Variants in ATP6V0A1 observed in about 807,000 individuals in gnomAD.
ATP6V0A1 encodes ATPase H+ transporting V0 subunit a1.
A neutral mutation model predicts 105.4 loss-of-function variants in ATP6V0A1; 43 were observed. The observed-to-expected ratio is 0.41, with a 90% confidence interval of 0.32 to 0.53. ATP6V0A1 has a LOEUF of 0.53. ATP6V0A1 is among the 20% of genes least tolerant of loss of function. The probability of loss-of-function intolerance (pLI) is 0.30; values close to 1 mark genes in which losing one functional copy is unlikely to be tolerated. For missense variants in ATP6V0A1, 676 were observed against 1,051.1 expected, an observed-to-expected ratio of 0.64 and a Z score of 4.93; for synonymous variants, 362 against 372.8, an observed-to-expected ratio of 0.97 and a Z score of 0.33.
rs763530702 is a variant in ATP6V0A1 at position 42,487,329 on chromosome 17, G to A, written c.985G>A (p.Asp329Asn). Residue 329 changes from aspartate (D) to asparagine (N), a missense_variant, in exon 10 of 22, where the codon GAC becomes AAC. By Grantham distance (23) the Asp-to-Asn change is conservative. Around this residue, in one of 3 missense-constraint regions of ATP6V0A1, gnomAD observed 435 missense variants for 642.2 expected, o/e 0.68. Coordinates refer to ENST00000343619, the MANE Select transcript of ATP6V0A1 (RefSeq NM_001130021.3). ...TGCAGAGGTCTGGTGCCCTGTCACC[G>A]ACCTTGACTCCATCCAGTTTGCACT... Reference protein sequence around the residue: ...LIAEVWCPVTDLDSIQFALRR... With the variant: ...LIAEVWCPVTNLDSIQFALRR... 18 of 1,613,976 alleles carry A rather than the reference G, an allele frequency of 1.1e-5. No homozygotes were observed. The highest frequency in any genetic ancestry group is 5.3e-5 in the African/African-American group (4 of 74,916).
At position 42,521,135 on chromosome 17, in the gene ATP6V0A1, C is replaced by A. The variant is rs755373315; in HGVS notation, c.*15C>A. 3 of 1,590,030 alleles carry A rather than the reference C, an allele frequency of 1.9e-6. No homozygotes were observed. The highest frequency in any genetic ancestry group is 2.6e-6 in the Non-Finnish European group (3 of 1,166,060). On this transcript the variant is annotated 3_prime_UTR_variant, in exon 22 of 22. Transcript: ENST00000343619. This position sits in a 1 kb window ranked among gnomAD's most constrained non-coding sequence, Gnocchi z 4.8. ...TTGAAGAGTGAGTCCCTGTGAGGGC[C>A]GTGTGCCCCATGCTACCCTCCCCGC...
chr17:42,504,334 T>A (rs1351847139), intron 17 of ATP6V0A1, among the ~76,000 whole-genome samples: 1 of 152,166 alleles, frequency 6.6e-6, no homozygotes, highest in Non-Finnish European at 1.5e-5. Flanking sequence ...TTCCTGTAAC[T>A]CTCATTCCTG....
intron 21 of ATP6V0A1, chr17:42,518,838 A>C (rs1388500320): frequency 1.3e-5 from 2 of 152,294 alleles, no homozygotes; most frequent in Admixed American, 6.5e-5. Flanking sequence ...CCCAAAAAGA[A>C]GGAAGAACCT....
rs749735808 is a variant in ATP6V0A1 at position 42,521,030 on chromosome 17, T to G, written c.2424T>G (p.Val808=). ...AFLHALRLHW[V]EFQNKFYSGT... is the part of the protein sequence containing the mutation. Reference sequence around the variant, plus strand: ...CTTTCTTCTTCTCTTTCTCCAGGGTTGAGTTCCAGAATAAATTCTACAGCG... The same window carrying G: ...CTTTCTTCTTCTCTTTCTCCAGGGTGGAGTTCCAGAATAAATTCTACAGCG... Residue 808 remains valine (V), a synonymous_variant, in exon 22 of 22, where the codon GTT becomes GTG. Coordinates refer to ENST00000343619, the MANE Select transcript of ATP6V0A1 (RefSeq NM_001130021.3). This position sits in a 1 kb window ranked among gnomAD's most constrained non-coding sequence, Gnocchi z 4.8. The G allele has an allele frequency of 1.0e-5, 16 of 1,598,754 alleles. No homozygotes were observed. Among genetic ancestry groups the G allele is most frequent in the Non-Finnish European group, 1.3e-5 (15 of 1,172,882 alleles).
chr17:42,477,488 C>T, intron 5 of ATP6V0A1, 172 bp from the exon 6 acceptor site: 9 of 559,394 alleles, frequency 1.6e-5, no homozygotes, highest in South Asian at 8.5e-5. Flanking sequence ...TGTTTTCATC[C>T]CCTATTCTTC....
At chr17:42,467,886 A>G in intron 3 of ATP6V0A1, 124 bp from the exon 4 acceptor site, 2 of 288,538 alleles carry the variant, frequency 6.9e-6, no homozygotes, top group Non-Finnish European at 1.3e-5. Context: ...ATATATATAT[A>G]TAAAGTATCT....
intron 16 of ATP6V0A1, 91 bp downstream of exon 16, chr17:42,501,014 C>T: frequency 7.3e-7 from 1 of 1,369,568 alleles, no homozygotes; most frequent in South Asian, 1.2e-5. Flanking sequence ...TATAACTGCC[C>T]TTCTATGGGA....
chr17:42,513,776 C>A, intron 19 of ATP6V0A1, 85 bp from the exon 20 acceptor site: 1 of 1,336,810 alleles, frequency 7.5e-7, no homozygotes, highest in Non-Finnish European at 1.1e-6. Context: ...GGCCCAGGTT[C>A]AAAGCGCCAA....
chr17:42,501,095 TAAGA>T lies in ATP6V0A1; in HGVS notation c.1897-98_1897-95del. The T allele has an allele frequency of 3.4e-6, 4 of 1,166,256 alleles. No individual in the cohort carries two copies. The South Asian group carries it at 5.6e-5, about 16-fold the overall frequency. The allele number at this position is 1,166,256 out of a possible 1,614,324, so 72.2% of individuals were successfully genotyped here. ...TTGGATAGTGTTATTCATAGATTAG[TAAGA>T]AAGTACTGTTGGGGGAAATTTGTGC... On this transcript the variant is annotated intron_variant, in intron 16 of 21. Transcript: ENST00000343619.
intron 21 of ATP6V0A1, 49 bp downstream of exon 21, chr17:42,514,509 C>G: frequency 6.7e-7 from 1 of 1,502,026 alleles, no homozygotes; most frequent in Non-Finnish European, 8.9e-7. Flanking sequence ...GTGTCCTTAG[C>G]TGCGGTGAGA....
chr17:42,487,715 G>A (rs1471258572), intron 10 of ATP6V0A1, among the ~76,000 whole-genome samples: 1 of 151,558 alleles, frequency 6.6e-6, no homozygotes, highest in Non-Finnish European at 1.5e-5. Flanking sequence ...GCAACAGAGC[G>A]AGACTCTGTC....
chr17:42,478,403 T>A, intron 6 of ATP6V0A1, 60 bp from the exon 7 acceptor site: 1 of 1,350,634 alleles, frequency 7.4e-7, no homozygotes, highest in Non-Finnish European at 9.7e-7. Flanking sequence ...AAGACTTGTA[T>A]TAAAACCTTC....
intron 5 of ATP6V0A1, among the ~76,000 whole-genome samples, chr17:42,472,072 G>A (rs1313019318): frequency 3.4e-5 from 3 of 87,948 alleles, no homozygotes; most frequent in East Asian, 4.2e-4. Flanking sequence ...TTTTTTTCCC[G>A]AGACAAAGTC....
At chr17:42,475,636 TA>T (rs1057125613) in intron 5 of ATP6V0A1, among the ~76,000 whole-genome samples, 2 of 152,176 alleles carry the variant, frequency 1.3e-5, no homozygotes, top group African/African-American at 4.8e-5. Context: ...ACCCCTGCTC[TA>T]AGATTTAGAT....
chr17:42,499,114 A>G, intron 15 of ATP6V0A1, 72 bp downstream of exon 15: 1 of 1,118,682 alleles, frequency 8.9e-7, no homozygotes, highest in Non-Finnish European at 1.3e-6. Context: ...AAATCATGAC[A>G]TCTTTGGGGA....
intron 2 of ATP6V0A1, among the ~76,000 whole-genome samples, chr17:42,464,580 T>C (rs927089523): frequency 1.3e-5 from 2 of 152,078 alleles, no homozygotes; most frequent in African/African-American, 2.4e-5. Context: ...TTTTTTTGTA[T>C]TTTCAGTAGA....
intron 7 of ATP6V0A1, 193 bp from the exon 8 acceptor site, chr17:42,480,474 A>G: frequency 2.1e-6 from 1 of 486,984 alleles, no homozygotes; most frequent in Non-Finnish European, 3.6e-6. Context: ...GATTTTTGTG[A>G]ATTAGAGATT....
intron 5 of ATP6V0A1, among the ~76,000 whole-genome samples, chr17:42,476,609 TG>T (rs1343636070): frequency 6.6e-6 from 1 of 152,182 alleles, no homozygotes; most frequent in Non-Finnish European, 1.5e-5. Context: ...TGTTTTGTTT[TG>T]TTTTTTGGAG....
At chr17:42,491,700 C>G (rs1243586149) in intron 11 of ATP6V0A1, among the ~76,000 whole-genome samples, 1 of 152,214 alleles carries the variant, frequency 6.6e-6, no homozygotes, top group Non-Finnish European at 1.5e-5. Context: ...CCAGGCTGAT[C>G]TCTAACTCCT....
Sources: allele counts gnomAD v4.1 joint callset (sites outside exome capture counted in the v4.1 genomes callset), GRCh38; gene constraint gnomAD v4.1.1; regional missense constraint gnomAD v4.1.1; non-coding constraint Gnocchi (gnomAD v3.1); transcripts MANE v1.5; gene names NCBI Gene and HGNC (gene_info 2026-07-23, HGNC 2026-07-21).